The following NUBPL variants were observed in gnomAD, a reference collection of about 807,000 sequenced individuals.
The protein encoded by NUBPL is NUBP iron-sulfur cluster assembly factor, mitochondrial.
A neutral mutation model predicts 45.7 loss-of-function variants in NUBPL; 31 were observed. The observed-to-expected ratio is 0.68, with a 90% confidence interval of 0.51 to 0.92. The LOEUF (loss-of-function observed/expected upper bound fraction) is 0.92, where lower values mean the gene tolerates loss of function less well. NUBPL is among the 40% of genes least tolerant of loss of function. The pLI is 0.00. For missense variants in NUBPL, 401 were observed against 398.7 expected (o/e 1.01, Z -0.05); for synonymous variants, 144 against 140.9 (o/e 1.02, Z -0.15).
intron 6 of NUBPL, among the ~76,000 whole-genome samples, chr14:31,719,584 A>G (rs2037764470): frequency 6.6e-6 from 1 of 152,146 alleles, no homozygotes; most frequent in South Asian, 2.1e-4. Flanking sequence ...CACTTCCCAC[A>G]GTTTGTGAGA....
At chr14:31,758,271 C>T (rs1315107196) in intron 6 of NUBPL, among the ~76,000 whole-genome samples, 1 of 152,128 alleles carries the variant, frequency 6.6e-6, no homozygotes, top group Non-Finnish European at 1.5e-5. Flanking sequence ...ATTAAAAGTT[C>T]ATAAAGCTGT....
intron 4 of NUBPL, among the ~76,000 whole-genome samples, chr14:31,656,545 A>G (rs911499305): frequency 6.6e-6 from 1 of 152,106 alleles, no homozygotes; most frequent in Non-Finnish European, 1.5e-5. Context: ...CCTGATTTCA[A>G]TATTGTTGTC....
chr14:31,695,703 C>T (rs1377298927), intron 6 of NUBPL, among the ~76,000 whole-genome samples: 6 of 152,176 alleles, frequency 3.9e-5, no homozygotes, highest in Non-Finnish European at 8.8e-5. Flanking sequence ...CAAAGGCCCT[C>T]ACAAGATGCT....
chr14:31,709,436 T>A (rs2037522506), intron 6 of NUBPL, among the ~76,000 whole-genome samples: 1 of 152,216 alleles, frequency 6.6e-6, no homozygotes, highest in Non-Finnish European at 1.5e-5. Flanking sequence ...CCAGTGGGGA[T>A]CCATACTGGG....
intron 8 of NUBPL, among the ~76,000 whole-genome samples, chr14:31,831,417 C>G (rs1002844896): frequency 2.0e-5 from 3 of 151,648 alleles, no homozygotes; most frequent in Admixed American, 6.6e-5. Context: ...TAACTGTTTT[C>G]ACATTTGTCA....
rs183416913 is a variant in NUBPL, at chr14:31,736,975, A to G, written c.514-50805A>G. 1.7e-3 allele frequency among the ~76,000 whole-genome samples: 263 copies of G among 152,256 alleles called. 2 individuals carry two copies. Among genetic ancestry groups the G allele is most frequent in the Non-Finnish European group, 7.8e-4 (53 of 68,018 alleles). The stretch of plus-strand genomic sequence containing the variant: ...GTCTACTTGGATATCCATCTTTGTG[A>G]AATGGTGGTTCATGTTTTTTGTTGA... On this transcript the variant is annotated intron_variant, in intron 6 of 10. Transcript: ENST00000281081.
chr14:31,681,384 A>C (rs905130832), intron 6 of NUBPL, among the ~76,000 whole-genome samples: 2 of 151,710 alleles, frequency 1.3e-5, no homozygotes, highest in Admixed American at 1.3e-4. Flanking sequence ...GGGATGTAGC[A>C]GTGTTCCCTC....
chr14:31,564,888 G>A (rs2033395932), intron 2 of NUBPL, 126 bp from the exon 3 acceptor site: 2 of 610,728 alleles, frequency 3.3e-6, no homozygotes, highest in Admixed American at 2.7e-5. Flanking sequence ...TATATGCTTA[G>A]GTTATTACAT....
chr14:31,818,312 A>G (rs894529675), intron 7 of NUBPL, among the ~76,000 whole-genome samples: 7 of 152,174 alleles, frequency 4.6e-5, no homozygotes, highest in Middle Eastern at 3.2e-3. Context: ...CGGATATAAT[A>G]GACATCTACA....
chr14:31,852,297 C>G (rs1166163365), intron 10 of NUBPL, among the ~76,000 whole-genome samples: 1 of 152,242 alleles, frequency 6.6e-6, no homozygotes, highest in African/African-American at 2.4e-5. Flanking sequence ...AAATGTCTCT[C>G]CTCTTCCCTT....
At chr14:31,829,139 G>A (rs1361903814) in intron 8 of NUBPL, among the ~76,000 whole-genome samples, 2 of 152,146 alleles carry the variant, frequency 1.3e-5, no homozygotes, top group Non-Finnish European at 2.9e-5. Flanking sequence ...TGCTGTCATG[G>A]GTTTGTGGGA....
At chr14:31,846,215 CT>C (rs1428848129) in intron 8 of NUBPL, 2 of 428,148 alleles carry the variant, frequency 4.7e-6, no homozygotes, top group African/African-American at 4.1e-5. Flanking sequence ...GATTTCTCTT[CT>C]TTCTAGGCAG....
At chr14:31,734,515 A>T (rs903878378) in intron 6 of NUBPL, among the ~76,000 whole-genome samples, 3 of 152,150 alleles carry the variant, frequency 2.0e-5, no homozygotes, top group African/African-American at 4.8e-5. Flanking sequence ...TCTCAAAAAA[A>T]TTTTTTCTTC....
chr14:31,659,825 C>T (rs898866390), intron 4 of NUBPL, among the ~76,000 whole-genome samples: 1 of 152,076 alleles, frequency 6.6e-6, no homozygotes, highest in African/African-American at 2.4e-5. Flanking sequence ...AGTCTGTCCA[C>T]ATGAGAAAAT....
chr14:31,658,443 G>A (rs781162735), intron 4 of NUBPL, among the ~76,000 whole-genome samples: 4 of 151,820 alleles, frequency 2.6e-5, no homozygotes, highest in Admixed American at 6.6e-5. Context: ...ACTAATTTAT[G>A]ATAATAAATA....
intron 4 of NUBPL, among the ~76,000 whole-genome samples, chr14:31,635,447 A>G (rs953151507): frequency 7.2e-5 from 11 of 152,062 alleles, no homozygotes; most frequent in Non-Finnish European, 1.3e-4. Flanking sequence ...CCATTGGTCT[A>G]TATCTCTGTT....
rs1266393310 is a variant in NUBPL at position 31,860,868 on chromosome 14, G to GA, written c.*1693dup. The stretch of plus-strand genomic sequence containing the variant: ...ATAATTCCAGAGAATTATGCTGAAT[G>GA]AAAAAGGCCAATTTAAAAAGGTTTT... On this transcript the variant is annotated 3_prime_UTR_variant, in exon 11 of 11. Coordinates refer to ENST00000281081, the MANE Select transcript of NUBPL (RefSeq NM_025152.3). 6.6e-6 allele frequency: 1 copy of GA among 152,148 alleles called. No homozygotes were observed. Among genetic ancestry groups the GA allele is most frequent in the African/African-American group, 2.4e-5 (1 of 41,446 alleles). 9.4% of individuals were successfully genotyped at this position (152,148 alleles called of 1,614,324 possible).
chr14:31,759,255 G>A (rs2038744523), intron 6 of NUBPL, among the ~76,000 whole-genome samples: 2 of 151,944 alleles, frequency 1.3e-5, no homozygotes, highest in Admixed American at 1.3e-4. Context: ...GGCTTGTCGT[G>A]TAGAAAACAC....
At chr14:31,643,602 T>A (rs934787757) in intron 4 of NUBPL, among the ~76,000 whole-genome samples, 6 of 152,166 alleles carry the variant, frequency 3.9e-5, no homozygotes, top group African/African-American at 1.2e-4. Flanking sequence ...TTGTTGGGTC[T>A]ATAGTTTTCT....
Sources: gnomAD v4.1 joint callset for allele counts (sites outside exome capture counted in the v4.1 genomes callset) on GRCh38, gnomAD v4.1.1 for gene constraint, MANE v1.5 for transcripts, NCBI Gene and HGNC (gene_info 2026-07-23, HGNC 2026-07-21) for gene names.